The following OC90 variants were observed in gnomAD, a reference collection of about 807,000 sequenced individuals.
The protein encoded by OC90 is otoconin 90.
A neutral mutation model predicts 47.3 loss-of-function variants in OC90; 46 were observed. The ratio of observed to expected loss-of-function variants is 0.97; its 90% confidence interval spans 0.77 to 1.24. The LOEUF (loss-of-function observed/expected upper bound fraction) is 1.24, where lower values mean the gene tolerates loss of function less well. OC90 is among the 50% of genes most tolerant of loss of function. OC90 has a pLI of 0.00. For missense variants in OC90, 688 were observed against 583.9 expected (o/e 1.18, Z -1.84); for synonymous variants, 271 against 219.5 (o/e 1.23, Z -2.07).
intron 12 of OC90, among the ~76,000 whole-genome samples, chr8:132,030,242 T>A (rs1392638164): frequency 6.6e-6 from 1 of 152,198 alleles, no homozygotes; most frequent in South Asian, 2.1e-4. Flanking sequence ...AAAATACTCA[T>A]AAAATCACTG....
intron 13 of OC90, among the ~76,000 whole-genome samples, chr8:132,027,524 G>A (rs902248685): frequency 6.6e-6 from 1 of 152,216 alleles, no homozygotes; most frequent in African/African-American, 2.4e-5. Context: ...CTCTTATAGG[G>A]CCTCTGTGAA....
At chr8:132,055,964 A>C (rs10093211) in intron 1 of OC90, among the ~76,000 whole-genome samples, 10,466 of 152,268 alleles carry the variant, frequency 0.069, 1,077 homozygotes, top group African/African-American at 0.22. Flanking sequence ...CCCCCTTAGA[A>C]TATAACTCCA....
Position 132,031,750 on chromosome 8 carries a change from A to G in OC90, c.1031+131T>C, listed in dbSNP as rs1822877728. Reference sequence around the variant, plus strand: ...ATGATGCTGTAGAGCCACCTGAGTGAGCTGCTGTGTGCACCAAGCATTTAG... The same window carrying G: ...ATGATGCTGTAGAGCCACCTGAGTGGGCTGCTGTGTGCACCAAGCATTTAG... On this transcript the variant is annotated intron_variant, in intron 12 of 13. Transcript: ENST00000254627. 3 of 698,658 alleles carry G rather than the reference A, an allele frequency of 4.3e-6. No homozygotes were observed. The South Asian group carries it at 5.7e-5, about 13-fold the overall frequency. 43.3% of individuals were successfully genotyped at this position (698,658 alleles called of 1,614,324 possible).
At chr8:132,054,087 C>T (rs1229271891) in intron 2 of OC90, among the ~76,000 whole-genome samples, 1 of 152,182 alleles carries the variant, frequency 6.6e-6, no homozygotes, top group African/African-American at 2.4e-5. Flanking sequence ...CTACAGGAAG[C>T]ATAACTGACC....
At position 132,054,375 on chromosome 8, in the gene OC90, C is replaced by T. The variant is rs141798655; in HGVS notation, c.46+606G>A. On this transcript the variant is annotated intron_variant, in intron 2 of 13. Transcript: ENST00000254627. Reference sequence around the variant, plus strand: ...TTCACAGTTGCCACTCCATGTTTTTCCTCACAGGTGTTTCCTCTACTGCAA... The same window carrying T: ...TTCACAGTTGCCACTCCATGTTTTTTCTCACAGGTGTTTCCTCTACTGCAA... 5.2e-3 allele frequency among the ~76,000 whole-genome samples: 787 copies of T among 152,288 alleles called. 12 individuals carry two copies. The highest frequency in any genetic ancestry group is 0.018 in the African/African-American group (761 of 41,554).
At chr8:132,039,945 T>TCC (rs1385915392) in intron 6 of OC90, among the ~76,000 whole-genome samples, 30 of 152,162 alleles carry the variant, frequency 2.0e-4, no homozygotes, top group African/African-American at 6.5e-4. Context: ...CTCTTGTCCC[T>TCC]CTCTAACATA....
chr8:132,049,983 A>T (rs1378259578), intron 2 of OC90: 1 of 404,508 alleles, frequency 2.5e-6, no homozygotes, highest in African/African-American at 2.0e-5. Flanking sequence ...TCAAATTCAC[A>T]TAAAATATGA....
chr8:132,032,943 A>G, intron 11 of OC90, 96 bp downstream of exon 11: 5 of 1,354,220 alleles, frequency 3.7e-6, no homozygotes, highest in Non-Finnish European at 4.0e-6. Context: ...CACCCCCATG[A>G]GAAGGTCACA....
chr8:132,041,390 T>C, intron 5 of OC90, 135 bp downstream of exon 5: 1 of 727,994 alleles, frequency 1.4e-6, no homozygotes, highest in East Asian at 2.7e-5. Flanking sequence ...ACCCAACTAG[T>C]AGGTAGTGGA....
At chr8:132,058,251 T>TGATACAG (rs1238095419) in intron 1 of OC90, among the ~76,000 whole-genome samples, 2 of 152,184 alleles carry the variant, frequency 1.3e-5, no homozygotes, top group Non-Finnish European at 2.9e-5. Flanking sequence ...GGGCTGCTTC[T>TGATACAG]GAAATCCAGT....
At position 132,024,668 on chromosome 8, in the gene OC90, A is replaced by C. The variant is rs533778504; in HGVS notation, c.1247T>G (p.Leu416Arg). Residue 416 changes from leucine to arginine, a missense_variant, in exon 14 of 14, where the codon CTC becomes CGC. Leu to Arg is a moderately radical substitution (Grantham distance 102). Transcript: ENST00000254627. ...GGCTGCTGGCTGCCCAGGGCACCCG[A>C]GTCTGCTTGGGGACTTGAGGCTTTG... ...FNQSLKSPSR[L>R]GCPGQPAACE... 6.2e-7 allele frequency: 1 copy of C among 1,613,476 alleles called. No homozygotes were observed. Among genetic ancestry groups the C allele is most frequent in the East Asian group, 2.2e-5 (1 of 44,852 alleles).
rs1823014928 is a variant in OC90, at chr8:132,039,129, C to A, written c.458-6G>T. 1 of 1,598,130 alleles carries A rather than the reference C, an allele frequency of 6.3e-7. No individual in the cohort carries two copies. The highest frequency in any genetic ancestry group is 1.1e-5 in the South Asian group (1 of 88,508). Reference sequence around the variant, plus strand: ...CTCACAGTTGTCCTTGGACTCTGCACACAGCAAGAGCATAGCCAATTGGAA... The same window carrying A: ...CTCACAGTTGTCCTTGGACTCTGCAAACAGCAAGAGCATAGCCAATTGGAA... On this transcript the variant is annotated splice_polypyrimidine_tract_variant and splice_region_variant and intron_variant, in intron 6 of 13. Transcript: ENST00000254627.
intron 12 of OC90, among the ~76,000 whole-genome samples, chr8:132,030,234 A>G (rs1370529567): frequency 6.6e-6 from 1 of 152,208 alleles, no homozygotes; most frequent in Admixed American, 6.5e-5. Flanking sequence ...TATAAATCAA[A>G]ATACTCATAA....
At position 132,029,106 on chromosome 8, in the gene OC90, A is replaced by AC. The variant is rs765467084; in HGVS notation, c.1104dup (p.Ser369ValfsTer19). On this transcript the variant is annotated frameshift_variant, in exon 13 of 14. Transcript: ENST00000254627. LOFTEE classifies it low-confidence loss of function (END_TRUNC). ...GTATGATCCACACACACCACCGGTG[A>AC]CCAAGGAAGCCTCTCAAGCAGGCAG... is the stretch of plus-strand genomic sequence containing the variant. 4 of 1,613,816 alleles carry AC rather than the reference A, an allele frequency of 2.5e-6. No homozygotes were observed. Among genetic ancestry groups the AC allele is most frequent in the Non-Finnish European group, 3.4e-6 (4 of 1,179,832 alleles).
chr8:132,058,223 C>A (rs1031940128), intron 1 of OC90, among the ~76,000 whole-genome samples: 37 of 152,146 alleles, frequency 2.4e-4, no homozygotes, highest in African/African-American at 8.7e-4. Flanking sequence ...CATTAGGGTA[C>A]GTGGGTGGGA....
intron 2 of OC90, among the ~76,000 whole-genome samples, chr8:132,053,211 T>C (rs1282515780): frequency 6.6e-6 from 1 of 152,182 alleles, no homozygotes; most frequent in African/African-American, 2.4e-5. Flanking sequence ...GCTAGCATAA[T>C]GTTGCAGACA....
intron 9 of OC90, 74 bp downstream of exon 9, chr8:132,037,364 T>A: frequency 8.2e-7 from 1 of 1,214,176 alleles, no homozygotes; most frequent in African/African-American, 1.5e-5. Flanking sequence ...GAGATCTGGT[T>A]GTTTAAACGT....
At chr8:132,042,542 GACT>G (rs1287056624) in intron 4 of OC90, among the ~76,000 whole-genome samples, 2 of 152,088 alleles carry the variant, frequency 1.3e-5, no homozygotes, top group African/African-American at 4.8e-5. Flanking sequence ...CTCCCTCCCT[GACT>G]AGTGGTCCCA....
rs771589385 is a variant in OC90, at chr8:132,041,570, G to T, written c.299C>A (p.Thr100Asn). 6.2e-7 allele frequency: 1 copy of T among 1,613,044 alleles called. No homozygotes were observed. The highest frequency in any genetic ancestry group is 1.3e-5 in the African/African-American group (1 of 74,796). The change falls in exon 5 of 14, where the codon ACC becomes AAC. Residue 100 changes from threonine to asparagine, a missense_variant. Coordinates refer to ENST00000254627, the MANE Select transcript of OC90 (RefSeq NM_001080399.3). ...CPRDFEDYGC[T>N]CRFEMEGLPV... ...CAACCCTTCCATCTCAAACCTGCAG[G>T]TGCAACCATAGTCTTCAAAGTCTCG...
Sources: gnomAD v4.1 joint callset for allele counts (sites outside exome capture counted in the v4.1 genomes callset) on GRCh38, gnomAD v4.1.1 for gene constraint, MANE v1.5 for transcripts, NCBI Gene and HGNC (gene_info 2026-07-23, HGNC 2026-07-21) for gene names.